The following ODAD2 variants were observed in gnomAD, a reference collection of about 807,000 sequenced individuals.
ODAD2 encodes the protein outer dynein arm-docking complex subunit 2.
ODAD2 carries 89 observed loss-of-function variants against 106.8 expected under a neutral mutation model. The observed-to-expected ratio is 0.83, with a 90% CI of 0.70 to 0.99. The LOEUF (loss-of-function observed/expected upper bound fraction) is 0.99. Among genes scored for constraint, ODAD2 ranks in the 50% least tolerant of loss-of-function variants. The probability of loss-of-function intolerance (pLI) is 0.00; values close to 1 mark genes in which losing one functional copy is unlikely to be tolerated. For synonymous variants in ODAD2, 404 were observed against 436.2 expected (o/e 0.93, Z 0.92); for missense variants, 1,168 against 1,238.5 (o/e 0.94, Z 0.85).
chr10:27,984,617 T>C (rs1354028950), intron 4 of ODAD2, among the ~76,000 whole-genome samples: 4 of 152,186 alleles, frequency 2.6e-5, no homozygotes, highest in Non-Finnish European at 5.9e-5. Context: ...ATTTGTGTAA[T>C]AGTCTTGAGA....
At chr10:27,916,959 C>T (rs1298340075) in intron 16 of ODAD2, among the ~76,000 whole-genome samples, 1 of 152,002 alleles carries the variant, frequency 6.6e-6, no homozygotes, top group Non-Finnish European at 1.5e-5. Flanking sequence ...TTTCACACCC[C>T]TTTCTCAGGA....
intron 19 of ODAD2, among the ~76,000 whole-genome samples, chr10:27,839,164 G>A (rs1838126930): frequency 6.6e-6 from 1 of 152,048 alleles, no homozygotes; most frequent in Non-Finnish European, 1.5e-5. Context: ...TAACTCTCCC[G>A]TCCAAAATCA....
At chr10:27,983,500 A>G (rs115923885) in intron 6 of ODAD2, among the ~76,000 whole-genome samples, 8 of 152,354 alleles carry the variant, frequency 5.3e-5, no homozygotes, top group African/African-American at 1.9e-4. Flanking sequence ...AGCTGCAGTT[A>G]TGACATCTGT....
intron 17 of ODAD2, among the ~76,000 whole-genome samples, chr10:27,874,953 C>T (rs1841209325): frequency 6.6e-6 from 1 of 152,168 alleles, no homozygotes; most frequent in Admixed American, 6.6e-5. Context: ...AGAGTGTTTT[C>T]CAACTTGGTT....
At position 27,925,699 on chromosome 10, in the gene ODAD2, G is replaced by T. The variant is rs57460326; in HGVS notation, c.2495+9311C>A. Among the ~76,000 whole-genome samples, 457 of 152,132 alleles carry T rather than the reference G, an allele frequency of 3.0e-3. 5 individuals are homozygous for T. The highest frequency in any genetic ancestry group is 0.011 in the African/African-American group (444 of 41,514). ...AGAAATTGAGAGATAATTTTAATAT[G>T]ATAAAATACATACACTTTAAACCTA... is the stretch of plus-strand genomic sequence containing the variant. On this transcript the variant is annotated intron_variant, in intron 16 of 19. Transcript: ENST00000305242.
chr10:27,859,722 T>G (rs562435129), intron 19 of ODAD2, among the ~76,000 whole-genome samples: 14 of 152,250 alleles, frequency 9.2e-5, no homozygotes, highest in Non-Finnish European at 1.8e-4. Flanking sequence ...GAGCTGTTCA[T>G]GTACTCTAAG....
chr10:27,874,587 A>T (rs1259770016), intron 17 of ODAD2, among the ~76,000 whole-genome samples: 2 of 152,128 alleles, frequency 1.3e-5, no homozygotes, highest in Non-Finnish European at 2.9e-5. Flanking sequence ...TTATCTGTAA[A>T]GGATTTTATT....
intron 17 of ODAD2, among the ~76,000 whole-genome samples, chr10:27,884,730 G>A (rs1304510931): frequency 2.0e-5 from 3 of 152,168 alleles, no homozygotes; most frequent in Non-Finnish European, 4.4e-5. Context: ...AGGCACAGAA[G>A]TACAACTGAA....
chr10:27,816,072 C>A (rs182460905), intron 19 of ODAD2, among the ~76,000 whole-genome samples: 2 of 152,302 alleles, frequency 1.3e-5, no homozygotes, highest in Admixed American at 1.3e-4. Flanking sequence ...CTCCCCTATG[C>A]TGCATCCAAC....
chr10:27,935,657 G>T (rs530565439), intron 15 of ODAD2, among the ~76,000 whole-genome samples: 2 of 150,702 alleles, frequency 1.3e-5, no homozygotes, highest in Non-Finnish European at 2.9e-5. Flanking sequence ...ACCTATTTGG[G>T]TTTAATAGGT....
At chr10:27,880,836 G>A (rs957645859) in intron 17 of ODAD2, among the ~76,000 whole-genome samples, 2 of 152,294 alleles carry the variant, frequency 1.3e-5, no homozygotes, top group African/African-American at 2.4e-5. Context: ...TGTTATAGGA[G>A]CACAAATAGA....
At chr10:27,969,632 C>T (rs1396782218) in intron 8 of ODAD2, among the ~76,000 whole-genome samples, 1 of 152,248 alleles carries the variant, frequency 6.6e-6, no homozygotes, top group Admixed American at 6.5e-5. Context: ...CCCCTCTCCA[C>T]ATGACTCCGT....
At chr10:27,857,440 C>T (rs1169797611) in intron 19 of ODAD2, among the ~76,000 whole-genome samples, 2 of 152,138 alleles carry the variant, frequency 1.3e-5, no homozygotes, top group Non-Finnish European at 2.9e-5. Flanking sequence ...TGTAGTGGGT[C>T]ATGACCCCTA....
At chr10:27,874,394 A>G (rs1055082953) in intron 17 of ODAD2, among the ~76,000 whole-genome samples, 3 of 152,226 alleles carry the variant, frequency 2.0e-5, no homozygotes, top group South Asian at 2.1e-4. Flanking sequence ...TGATCCTGTC[A>G]TTGTGATGTT....
chr10:27,990,728 G>A (rs1026283111), intron 2 of ODAD2, among the ~76,000 whole-genome samples: 11 of 152,130 alleles, frequency 7.2e-5, no homozygotes, highest in African/African-American at 1.2e-4. Context: ...TCATGATATC[G>A]ATCACAAAGC....
At chr10:27,946,300 C>T (rs543602813) in intron 10 of ODAD2, among the ~76,000 whole-genome samples, 125 of 150,900 alleles carry the variant, frequency 8.3e-4, no homozygotes, top group African/African-American at 3.0e-3. Context: ...AAATTCCATA[C>T]CAGCTGCCAA....
chr10:27,944,704 A>C (rs1452635916), intron 11 of ODAD2, 112 bp downstream of exon 11: 17 of 1,273,044 alleles, frequency 1.3e-5, no homozygotes, highest in Non-Finnish European at 1.9e-5. Flanking sequence ...CAGCAATAAT[A>C]GCAGATAAAG....
chr10:27,900,783 G>A (rs1443167945), intron 17 of ODAD2, among the ~76,000 whole-genome samples: 1 of 152,034 alleles, frequency 6.6e-6, no homozygotes, highest in African/African-American at 2.4e-5. Context: ...GAAAAGGAAC[G>A]AATGAAGCCT....
At chr10:27,908,536 C>T (rs1843759300) in intron 16 of ODAD2, among the ~76,000 whole-genome samples, 1 of 152,130 alleles carries the variant, frequency 6.6e-6, no homozygotes, top group Non-Finnish European at 1.5e-5. Context: ...ATAACCTTTA[C>T]AAACATGGCT....
Sources: gnomAD v4.1 joint callset for allele counts (sites outside exome capture counted in the v4.1 genomes callset) on GRCh38, gnomAD v4.1.1 for gene constraint, MANE v1.5 for transcripts, NCBI Gene and HGNC (gene_info 2026-07-23, HGNC 2026-07-21) for gene names.